MS4A4A: variants seen among roughly 807,000 people sequenced by gnomAD.
The protein encoded by MS4A4A is membrane spanning 4-domains A4A.
Under a neutral mutation model 28.0 loss-of-function variants are expected in MS4A4A, and 26 were observed. The ratio of observed to expected loss-of-function variants is 0.93; its 90% CI spans 0.68 to 1.29. The LOEUF (loss-of-function observed/expected upper bound fraction) is 1.29, where lower values mean the gene tolerates loss of function less well. Among genes scored for constraint, MS4A4A ranks in the 50% most tolerant of loss-of-function variants. The probability of loss-of-function intolerance (pLI) is 0.00; values close to 1 mark genes in which losing one functional copy is unlikely to be tolerated. For synonymous variants in MS4A4A, 86 were observed against 100.8 expected (o/e 0.85, Z 0.88); for missense variants, 290 against 293.1 (o/e 0.99, Z 0.08).
Position 60,301,015 on chromosome 11 carries a change from A to T in MS4A4A, c.345A>T (p.Gly115=), listed in dbSNP as rs749413854. 6.2e-7 allele frequency: 1 copy of T among 1,603,636 alleles called. No individual in the cohort carries two copies. Residue 115 remains glycine (G), a synonymous_variant, in exon 4 of 7, where the codon GGA becomes GGT. Coordinates refer to ENST00000337908, the MANE Select transcript of MS4A4A (RefSeq NM_148975.3). ...CTCATTTTTAGTTTATTATTTCAGG[A>T]TCCTTGTCAATTGCAGCAGGAATTA... ...IWGSVMFIIS[G]SLSIAAGIRT... is the part of the protein sequence containing the mutation.
intron 1 of MS4A4A, among the ~76,000 whole-genome samples, chr11:60,290,847 A>T (rs574001590): frequency 8.5e-5 from 13 of 152,268 alleles, no homozygotes; most frequent in African/African-American, 3.1e-4. Flanking sequence ...TAAATACAGG[A>T]TGATAATTTT....
chr11:60,302,296 T>G (rs1048221722), intron 4 of MS4A4A, among the ~76,000 whole-genome samples: 4 of 152,152 alleles, frequency 2.6e-5, no homozygotes, highest in African/African-American at 9.7e-5. Context: ...TGAAGGACAT[T>G]GAAAACCCTG....
In MS4A4A at chr11:60,308,810, G is replaced by C. The variant is rs565898896; in HGVS notation, c.*632G>C. 10 of 152,266 alleles carry C rather than the reference G, an allele frequency of 6.6e-5. No individual in the cohort carries two copies. The highest frequency in any genetic ancestry group is 2.2e-4 in the African/African-American group (9 of 41,558). The allele number at this position is 152,266 out of a possible 1,614,324, so 9.4% of individuals were successfully genotyped here. ...GGAGTAAAAATCATATTAAGCATCA[G>C]ATTCAACTTATATTTTCTATTTCAT... On this transcript the variant is annotated 3_prime_UTR_variant, in exon 7 of 7. Transcript: ENST00000337908.
At chr11:60,283,290 C>T (rs1392921303) in intron 1 of MS4A4A, among the ~76,000 whole-genome samples, 1 of 152,180 alleles carries the variant, frequency 6.6e-6, no homozygotes, top group Non-Finnish European at 1.5e-5. Context: ...TGATCTCAAA[C>T]TCCTGGGCTC....
At chr11:60,281,748 G>A (rs1054013233) in intron 1 of MS4A4A, among the ~76,000 whole-genome samples, 3 of 152,124 alleles carry the variant, frequency 2.0e-5, no homozygotes, top group African/African-American at 7.2e-5. Context: ...AGGTGACTGG[G>A]GCCAATAGAA....
intron 2 of MS4A4A, among the ~76,000 whole-genome samples, chr11:60,294,055 G>A (rs2084880434): frequency 6.6e-6 from 1 of 152,182 alleles, no homozygotes; most frequent in Admixed American, 6.5e-5. Context: ...ACATGGCCTT[G>A]TCACTTTGAA....
chr11:60,308,270 C>A lies in MS4A4A; in HGVS notation c.*92C>A. 9.2e-7 allele frequency: 1 copy of A among 1,092,270 alleles called. No homozygotes were observed. Among genetic ancestry groups the A allele is most frequent in the South Asian group, 1.3e-5 (1 of 76,516 alleles). The allele number at this position is 1,092,270 out of a possible 1,614,324, so 67.7% of individuals were successfully genotyped here. The stretch of plus-strand genomic sequence containing the variant: ...ATGAGAAATTACCAGTATCCAACTT[C>A]GATACTGATAGACTTGTTGATATTA... On this transcript the variant is annotated 3_prime_UTR_variant, in exon 7 of 7. Transcript: ENST00000337908.
intron 6 of MS4A4A, among the ~76,000 whole-genome samples, chr11:60,307,275 TG>T (rs1277141904): frequency 6.6e-6 from 1 of 151,900 alleles, no homozygotes; most frequent in Non-Finnish European, 1.5e-5. Context: ...CACAGAAGAG[TG>T]GGGGTTCCAC....
intron 6 of MS4A4A, among the ~76,000 whole-genome samples, chr11:60,307,144 A>G (rs184759093): frequency 1.3e-5 from 2 of 152,386 alleles, no homozygotes; most frequent in East Asian, 3.9e-4. Flanking sequence ...AAAGGCCCAC[A>G]GGCAGACAAA....
intron 4 of MS4A4A, 110 bp from the exon 5 acceptor site, chr11:60,302,449 C>A (rs2084960017): frequency 5.5e-6 from 6 of 1,081,410 alleles, no homozygotes; most frequent in African/African-American, 1.6e-5. Flanking sequence ...TTGAAATAAT[C>A]AAGATAATGA....
intron 5 of MS4A4A, among the ~76,000 whole-genome samples, chr11:60,303,713 A>C (rs2084973162): frequency 6.6e-6 from 1 of 152,204 alleles, no homozygotes; most frequent in Non-Finnish European, 1.5e-5. Flanking sequence ...ATCTCAAAAA[A>C]AAGAGAAAGC....
intron 2 of MS4A4A, among the ~76,000 whole-genome samples, chr11:60,293,756 A>G (rs137927458): frequency 1.3e-5 from 2 of 152,262 alleles, no homozygotes; most frequent in East Asian, 3.9e-4. Flanking sequence ...TCACCTAAAT[A>G]CATGCATTTA....
intron 1 of MS4A4A, among the ~76,000 whole-genome samples, chr11:60,287,370 T>C (rs2084812191): frequency 6.6e-6 from 1 of 152,198 alleles, no homozygotes; most frequent in Non-Finnish European, 1.5e-5. Context: ...GCCAAATTTA[T>C]TCTTTTTTCA....
intron 1 of MS4A4A, among the ~76,000 whole-genome samples, chr11:60,285,008 G>A (rs931623357): frequency 7.9e-5 from 12 of 151,914 alleles, no homozygotes; most frequent in Non-Finnish European, 1.5e-4. Flanking sequence ...GAAGATATTC[G>A]GCCTTCCTCA....
rs1443655358 is a variant in MS4A4A at position 60,308,151 on chromosome 11, A to G, written c.693A>G (p.Ala231=). ...CACATTCTCACATGGCAGAAACAGC[A>G]TCTCCCACACCACTTAATGAGGTTT... The part of the protein sequence containing the change: ...LPSHSHMAET[A]SPTPLNEV Residue 231 remains alanine, a synonymous_variant, in exon 7 of 7, where the codon GCA becomes GCG. Coordinates refer to ENST00000337908, the MANE Select transcript of MS4A4A (RefSeq NM_148975.3). 2 of 1,614,088 alleles carry G rather than the reference A, an allele frequency of 1.2e-6. No homozygotes were observed. The highest frequency in any genetic ancestry group is 1.3e-5 in the African/African-American group (1 of 75,044).
chr11:60,285,617 G>A (rs757533567), intron 1 of MS4A4A, among the ~76,000 whole-genome samples: 11 of 152,078 alleles, frequency 7.2e-5, no homozygotes, highest in Admixed American at 1.3e-4. Flanking sequence ...CTAGGCCTCC[G>A]GGGGTGACAT....
chr11:60,298,799 A>G (rs1230740485), intron 3 of MS4A4A, among the ~76,000 whole-genome samples: 1 of 152,188 alleles, frequency 6.6e-6, no homozygotes, highest in Non-Finnish European at 1.5e-5. Context: ...CATCACTGAG[A>G]CTTTCGTAGG....
intron 1 of MS4A4A, among the ~76,000 whole-genome samples, chr11:60,290,891 C>T (rs2084849541): frequency 6.6e-6 from 1 of 151,904 alleles, no homozygotes; most frequent in Non-Finnish European, 1.5e-5. Flanking sequence ...CTCAACATAG[C>T]AAATTTGGAG....
chr11:60,292,349 G>C lies in MS4A4A; in HGVS notation c.166G>C (p.Glu56Gln). The change falls in exon 2 of 7, where the codon GAG becomes CAG. Residue 56 changes from glutamate to glutamine, a missense_variant. Glu to Gln is a conservative substitution (Grantham distance 29). Transcript: ENST00000337908. ...TTCACATCTGTGGAAAGGATTGCAA[G>C]AGAAGTTCTTGAAGGGAGAACCCAA... ...IHSHLWKGLQ[E>Q]KFLKGEPKVL... 4 of 1,606,802 alleles carry C rather than the reference G, an allele frequency of 2.5e-6. No individual in the cohort carries two copies. The highest frequency in any genetic ancestry group is 1.1e-5 in the South Asian group (1 of 89,530).
Sources: gnomAD v4.1 joint callset for allele counts (sites outside exome capture counted in the v4.1 genomes callset) on GRCh38, gnomAD v4.1.1 for gene constraint, MANE v1.5 for transcripts, NCBI Gene and HGNC (gene_info 2026-07-23, HGNC 2026-07-21) for gene names.